The following LIFR variants were observed in gnomAD, a reference collection of about 807,000 sequenced individuals.
LIFR encodes leukemia inhibitory factor receptor.
Under a neutral mutation model 122.2 loss-of-function variants are expected in LIFR, and 84 were observed. The observed-to-expected ratio is 0.69, with a 90% CI of 0.58 to 0.82. LIFR has a LOEUF of 0.82. Among genes scored for constraint, LIFR ranks in the 40% least tolerant of loss-of-function variants. The pLI is 0.00. For synonymous variants in LIFR, 422 were observed against 434.7 expected (o/e 0.97, Z 0.36); for missense variants, 1,294 against 1,311.6 (o/e 0.99, Z 0.21).
Position 38,496,550 on chromosome 5 carries a change from C to T in LIFR, c.1717G>A (p.Val573Ile), listed in dbSNP as rs1282767908. ...GTTTCCTCATCTGATGAACACGATA[C>T]ATTGTAGGAAAGTATTTTTCCATTA... ...EANGKILSYN[V>I]SCSSDEETQS... is the part of the protein sequence containing the mutation. The change falls in exon 13 of 20, where the codon GTA (valine) becomes ATA (isoleucine). Residue 573 changes from valine (V) to isoleucine (I), a missense_variant. Coordinates refer to ENST00000453190, the MANE Select transcript of LIFR (RefSeq NM_001127671.2). 9 of 1,613,798 alleles carry T rather than the reference C, an allele frequency of 5.6e-6. No homozygotes were observed. The highest frequency in any genetic ancestry group is 1.3e-5 in the African/African-American group (1 of 74,908).
At chr5:38,527,617 C>A (rs1746763627) in intron 3 of LIFR, among the ~76,000 whole-genome samples, 1 of 152,158 alleles carries the variant, frequency 6.6e-6, no homozygotes, top group Admixed American at 6.5e-5. Flanking sequence ...TCCACCCCTT[C>A]ACTGAGGGAC....
chr5:38,587,320 T>TA (rs978084346), intron 1 of LIFR, among the ~76,000 whole-genome samples: 2 of 151,620 alleles, frequency 1.3e-5, no homozygotes, highest in African/African-American at 4.9e-5. Context: ...ACCTCACGGA[T>TA]AAAAAAGATG....
At chr5:38,580,663 A>G (rs550043580) in intron 1 of LIFR, among the ~76,000 whole-genome samples, 1 of 152,232 alleles carries the variant, frequency 6.6e-6, no homozygotes, top group South Asian at 2.1e-4. Context: ...CTCAAAATTA[A>G]TGTATCCCAA....
intron 1 of LIFR, among the ~76,000 whole-genome samples, chr5:38,553,336 C>T (rs1217779809): frequency 6.6e-6 from 1 of 152,050 alleles, no homozygotes; most frequent in Non-Finnish European, 1.5e-5. Context: ...TTCTGCCATG[C>T]AACCCTGATT....
chr5:38,521,913 T>C (rs1258388518), intron 5 of LIFR, among the ~76,000 whole-genome samples: 1 of 151,986 alleles, frequency 6.6e-6, no homozygotes, highest in Non-Finnish European at 1.5e-5. Context: ...CCTAGGTCCA[T>C]AGGCTGTAAG....
chr5:38,608,323 C>T (rs1278222174), exon 1 of LIFR: 1 of 152,036 alleles, frequency 6.6e-6, no homozygotes, highest in Non-Finnish European at 1.5e-5. Flanking sequence ...TCTTCAGCTT[C>T]CATGACCTTA....
chr5:38,537,534 A>G (rs1747357051), intron 1 of LIFR, among the ~76,000 whole-genome samples: 1 of 152,242 alleles, frequency 6.6e-6, no homozygotes, highest in African/African-American at 2.4e-5. Flanking sequence ...GTGCTCTATT[A>G]TTAAACAACC....
chr5:38,543,159 T>C (rs188322814), intron 1 of LIFR, among the ~76,000 whole-genome samples: 7 of 151,858 alleles, frequency 4.6e-5, no homozygotes, highest in African/African-American at 1.4e-4. Flanking sequence ...TTCTACTGAT[T>C]GGAAAAGGTT....
At position 38,550,492 on chromosome 5, in the gene LIFR, G is replaced by A. The variant is rs113202171; in HGVS notation, c.-20+5842C>T. 2.2e-3 allele frequency among the ~76,000 whole-genome samples: 330 copies of A among 152,312 alleles called. 1 individual carries two copies. Among genetic ancestry groups the A allele is most frequent in the African/African-American group, 7.5e-3 (310 of 41,558 alleles). The stretch of plus-strand genomic sequence containing the variant: ...TAAAACACTGCACCTTCGTTTGCCT[G>A]TCTGGCTTAAGAGTTTGGGTTTTAA... On this transcript the variant is annotated intron_variant, in intron 1 of 19. Coordinates refer to ENST00000453190, the MANE Select transcript of LIFR (RefSeq NM_001127671.2).
At chr5:38,608,139 G>A (rs1322821824) in intron 1 of LIFR, 1 of 152,122 alleles carries the variant, frequency 6.6e-6, no homozygotes, top group Non-Finnish European at 1.5e-5. Context: ...GAGACAGAGA[G>A]TCAGCAACTC....
In LIFR at chr5:38,502,627, G is replaced by C; in HGVS notation, c.1600+10C>G. On this transcript the variant is annotated intron_variant, in intron 11 of 19. Coordinates refer to ENST00000453190, the MANE Select transcript of LIFR (RefSeq NM_001127671.2). ...GTAATTATTAGCCATACATCACTTA[G>C]TTAACTTACTGGCTTCTGTTGTTAA... 1 of 1,604,434 alleles carries C rather than the reference G, an allele frequency of 6.2e-7. No individual in the cohort carries two copies. The highest frequency in any genetic ancestry group is 8.5e-7 in the Non-Finnish European group (1 of 1,172,062).
intron 1 of LIFR, chr5:38,550,311 G>T: frequency 1.3e-6 from 1 of 770,996 alleles, no homozygotes; most frequent in Middle Eastern, 6.6e-4. Context: ...AAAAAAACAG[G>T]GAAAAATTCA....
intron 1 of LIFR, among the ~76,000 whole-genome samples, chr5:38,572,653 C>T (rs928529933): frequency 3.9e-5 from 6 of 152,152 alleles, no homozygotes; most frequent in East Asian, 3.8e-4. Context: ...ATCTTTCCAA[C>T]GCTATGCTTC....
chr5:38,533,849 C>T (rs1747151670), intron 1 of LIFR, among the ~76,000 whole-genome samples: 1 of 152,170 alleles, frequency 6.6e-6, no homozygotes, highest in African/African-American at 2.4e-5. Context: ...AACACCTGCA[C>T]AGTCAGGGTG....
At chr5:38,590,398 C>A (rs1001861923) in intron 1 of LIFR, among the ~76,000 whole-genome samples, 1 of 152,072 alleles carries the variant, frequency 6.6e-6, no homozygotes, top group African/African-American at 2.4e-5. Flanking sequence ...CCTAGAGACC[C>A]GTGTACCATT....
chr5:38,475,124 T>C lies in LIFR; in HGVS notation c.*6471A>G, dbSNP rs1034718023. On this transcript the variant is annotated 3_prime_UTR_variant, in exon 20 of 20. Transcript: ENST00000453190. Reference sequence around the variant, plus strand: ...TGTTTTAGTAATAGATTATTTTCTATGTTTTTGCTATAATCATGTTTTCCA... The same window carrying C: ...TGTTTTAGTAATAGATTATTTTCTACGTTTTTGCTATAATCATGTTTTCCA... 1.1e-5 allele frequency: 2 copies of C among 180,858 alleles called. No homozygotes were observed. The highest frequency in any genetic ancestry group is 2.1e-3 in the Middle Eastern group (1 of 478). The allele number at this position is 180,858 out of a possible 1,614,324, so 11.2% of individuals were successfully genotyped here. A position where few individuals can be genotyped will look rare whatever the true frequency, so the allele number is the denominator to read the frequency against.
chr5:38,549,319 CAT>C lies in LIFR; in HGVS notation c.-20+7013_-20+7014del, dbSNP rs545697339. The stretch of plus-strand genomic sequence containing the variant: ...AAGCAAAAACAAGGATCAACGTACC[CAT>C]ATGTTTTACAATCTGCTTTTTCAGT... On this transcript the variant is annotated intron_variant, in intron 1 of 19. Coordinates refer to ENST00000453190, the MANE Select transcript of LIFR (RefSeq NM_001127671.2). 2.1e-3 allele frequency among the ~76,000 whole-genome samples: 310 copies of C among 150,996 alleles called. 3 individuals carry two copies. The highest frequency in any genetic ancestry group is 7.2e-3 in the African/African-American group (293 of 40,684).
chr5:38,512,389 C>T (rs1008962330), intron 5 of LIFR, among the ~76,000 whole-genome samples: 5 of 152,020 alleles, frequency 3.3e-5, no homozygotes, highest in Admixed American at 3.3e-4. Context: ...GAGGCTGAGA[C>T]AGGCAGATCC....
chr5:38,579,232 C>T, intron 1 of LIFR: 1 of 152,180 alleles, frequency 6.6e-6, no homozygotes, highest in Non-Finnish European at 1.5e-5. Flanking sequence ...ATGAACTACA[C>T]CTGGCTCTTC....
Sources: allele counts gnomAD v4.1 joint callset (sites outside exome capture counted in the v4.1 genomes callset), GRCh38; gene constraint gnomAD v4.1.1; transcripts MANE v1.5; gene names NCBI Gene and HGNC (gene_info 2026-07-23, HGNC 2026-07-21).